The following ADAMTS17 variants were observed in gnomAD, a reference collection of about 807,000 sequenced individuals.
ADAMTS17 encodes the protein ADAM metallopeptidase with thrombospondin type 1 motif 17.
In ADAMTS17, 113 loss-of-function variants were observed where a neutral mutation model predicts 141.5. The ratio of observed to expected loss-of-function variants is 0.80; its 90% CI spans 0.69 to 0.93. The LOEUF (loss-of-function observed/expected upper bound fraction) is 0.93, where lower values mean the gene tolerates loss of function less well. ADAMTS17 is among the 40% of genes least tolerant of loss of function. The pLI is 0.00. For missense variants in ADAMTS17, 1,659 were observed against 1,517.9 expected (o/e 1.09, Z -1.54); for synonymous variants, 768 against 630.6 (o/e 1.22, Z -3.27).
intron 9 of ADAMTS17, among the ~76,000 whole-genome samples, chr15:100,153,515 C>G (rs1326643782): frequency 6.6e-6 from 1 of 152,066 alleles, no homozygotes; most frequent in Non-Finnish European, 1.5e-5. Context: ...GGTTGTAGTC[C>G]CACCTGTAGT....
chr15:100,280,774 G>A (rs80023715), intron 4 of ADAMTS17, among the ~76,000 whole-genome samples: 14,264 of 152,186 alleles, frequency 0.094, 752 homozygotes, highest in Non-Finnish European at 0.1. Flanking sequence ...GACATAGACA[G>A]ACGTGGGCAT....
chr15:100,301,723 T>A (rs1342683996), intron 3 of ADAMTS17, among the ~76,000 whole-genome samples: 1 of 152,162 alleles, frequency 6.6e-6, no homozygotes, highest in Non-Finnish European at 1.5e-5. Context: ...AGAAACAACC[T>A]TTACTCTACA....
intron 3 of ADAMTS17, among the ~76,000 whole-genome samples, chr15:100,287,683 C>A (rs2142107413): frequency 6.6e-6 from 1 of 152,318 alleles, no homozygotes; most frequent in African/African-American, 2.4e-5. Context: ...TAACAGCAGA[C>A]CTTTCAGCAG....
intron 15 of ADAMTS17, among the ~76,000 whole-genome samples, chr15:100,078,241 C>T (rs1035478261): frequency 6.8e-6 from 1 of 147,920 alleles, no homozygotes; most frequent in Admixed American, 6.8e-5. Context: ...CGAAAAATGA[C>T]AAGCTGTTCC....
At chr15:100,054,974 CA>C (rs2032446604) in intron 15 of ADAMTS17, among the ~76,000 whole-genome samples, 2 of 152,178 alleles carry the variant, frequency 1.3e-5, no homozygotes, top group South Asian at 4.1e-4. Context: ...TCTGCAGTGA[CA>C]TCCTATTTTG....
chr15:100,024,992 G>A (rs1041681717), intron 18 of ADAMTS17, among the ~76,000 whole-genome samples: 28 of 152,206 alleles, frequency 1.8e-4, no homozygotes, highest in Non-Finnish European at 2.9e-5. Flanking sequence ...TAAGCGGGGA[G>A]CTCCTGTGAA....
chr15:100,148,820 T>C (rs1192069634), intron 10 of ADAMTS17, among the ~76,000 whole-genome samples: 1 of 150,600 alleles, frequency 6.6e-6, no homozygotes, highest in Non-Finnish European at 1.5e-5. Flanking sequence ...ATTGAGAAGC[T>C]TATATTAAAA....
intron 15 of ADAMTS17, among the ~76,000 whole-genome samples, chr15:100,069,719 G>C (rs1238003120): frequency 6.6e-6 from 1 of 151,336 alleles, no homozygotes. Flanking sequence ...CACCAGGCCT[G>C]CCCTACAAGA....
chr15:100,001,478 G>A (rs1036140327), intron 18 of ADAMTS17, among the ~76,000 whole-genome samples: 9 of 151,822 alleles, frequency 5.9e-5, no homozygotes, highest in Non-Finnish European at 1.3e-4. Context: ...CCCACAAAAT[G>A]TGCAACACTG....
chr15:100,085,966 A>G (rs915994301), intron 15 of ADAMTS17, among the ~76,000 whole-genome samples: 56 of 151,720 alleles, frequency 3.7e-4, no homozygotes, highest in African/African-American at 1.3e-3. Flanking sequence ...AGCTAATATC[A>G]TAATGACAGG....
intron 12 of ADAMTS17, among the ~76,000 whole-genome samples, chr15:100,122,037 C>T (rs1337680777): frequency 1.3e-5 from 2 of 152,182 alleles, no homozygotes; most frequent in Non-Finnish European, 2.9e-5. Context: ...CCCTCTCTAA[C>T]AAGGTCCAAG....
At chr15:100,268,907 CAT>C (rs1401259162) in intron 4 of ADAMTS17, among the ~76,000 whole-genome samples, 1 of 152,138 alleles carries the variant, frequency 6.6e-6, no homozygotes, top group East Asian at 1.9e-4. Context: ...AACCAAAAAA[CAT>C]AGCACTTATA....
At chr15:100,044,014 A>G (rs2031482002) in intron 18 of ADAMTS17, among the ~76,000 whole-genome samples, 1 of 152,266 alleles carries the variant, frequency 6.6e-6, no homozygotes, top group Non-Finnish European at 1.5e-5. Flanking sequence ...GTTTTCCTAC[A>G]TGATCTTCTG....
intron 6 of ADAMTS17, chr15:100,257,205 A>C (rs556978972): frequency 6.6e-6 from 1 of 152,214 alleles, no homozygotes; most frequent in Non-Finnish European, 1.5e-5. Context: ...GGTGGGAGGA[A>C]AGGACAGTTT....
At chr15:100,207,674 T>C (rs2041629996) in intron 7 of ADAMTS17, among the ~76,000 whole-genome samples, 1 of 152,226 alleles carries the variant, frequency 6.6e-6, no homozygotes. Flanking sequence ...GGGGGTGTTC[T>C]GTATTTCAAA....
At chr15:100,278,254 C>T (rs1567475120) in intron 4 of ADAMTS17, among the ~76,000 whole-genome samples, 1 of 150,758 alleles carries the variant, frequency 6.6e-6, no homozygotes, top group South Asian at 2.1e-4. Context: ...GGTGAATGTG[C>T]TTTAGGCCAC....
intron 18 of ADAMTS17, among the ~76,000 whole-genome samples, chr15:100,006,141 T>C (rs1281035120): frequency 3.3e-5 from 5 of 152,206 alleles, no homozygotes; most frequent in African/African-American, 1.2e-4. Flanking sequence ...GGTCACATTC[T>C]GAGATACTGG....
chr15:100,130,194 T>A (rs900024157), intron 12 of ADAMTS17, among the ~76,000 whole-genome samples: 1 of 151,954 alleles, frequency 6.6e-6, no homozygotes, highest in African/African-American at 2.4e-5. Context: ...CGAAACCCCA[T>A]CTCTACTAAA....
chr15:100,326,926 T>C (rs2045918765), intron 3 of ADAMTS17, among the ~76,000 whole-genome samples: 1 of 152,248 alleles, frequency 6.6e-6, no homozygotes, highest in Non-Finnish European at 1.5e-5. Flanking sequence ...AAGTGTTACC[T>C]GATGTCCAAC....
Sources: gnomAD v4.1 joint callset for allele counts (sites outside exome capture counted in the v4.1 genomes callset) on GRCh38, gnomAD v4.1.1 for gene constraint, MANE v1.5 for transcripts, NCBI Gene and HGNC (gene_info 2026-07-23, HGNC 2026-07-21) for gene names.